Variants in NTM observed in about 807,000 individuals in gnomAD.
NTM encodes IgLON family member 2.
A neutral mutation model predicts 42.1 loss-of-function variants in NTM; 13 were observed. The ratio of observed to expected loss-of-function variants is 0.31; its 90% confidence interval spans 0.20 to 0.49. The LOEUF is 0.49. Ranked by LOEUF, NTM falls within the 20% of genes least tolerant of loss-of-function variation. The pLI, the probability that NTM is intolerant of heterozygous loss-of-function variation, is 0.99. For synonymous variants in NTM, 187 were observed against 179.2 expected (o/e 1.04, Z -0.35); for missense variants, 373 against 452.8 (o/e 0.82, Z 1.60).
intron 2 of NTM, among the ~76,000 whole-genome samples, chr11:132,128,238 GT>G (rs5795754): frequency 0.15 from 22,244 of 149,510 alleles, 1,693 homozygotes; most frequent in Middle Eastern, 0.23. Flanking sequence ...CTGTGAGTGT[GT>G]TTTTTTTTTT....
intron 1 of NTM, among the ~76,000 whole-genome samples, chr11:131,759,152 G>C (rs1227368081): frequency 6.6e-6 from 1 of 152,188 alleles, no homozygotes; most frequent in African/African-American, 2.4e-5. Flanking sequence ...TTATGAGAAG[G>C]TTGACAGCTG....
At chr11:131,729,909 A>G (rs774635442) in intron 1 of NTM, among the ~76,000 whole-genome samples, 6 of 144,892 alleles carry the variant, frequency 4.1e-5, no homozygotes, top group Admixed American at 6.7e-5. Flanking sequence ...GAACATTTAC[A>G]TACAGAGTTT....
intron 3 of NTM, among the ~76,000 whole-genome samples, chr11:132,149,196 G>A (rs1368167458): frequency 7.6e-6 from 1 of 131,326 alleles, no homozygotes; most frequent in African/African-American, 3.0e-5. Context: ...TTGTGTTTCT[G>A]TATTGGAAAG....
At chr11:131,669,588 G>A (rs939339090) in intron 1 of NTM, among the ~76,000 whole-genome samples, 4 of 152,110 alleles carry the variant, frequency 2.6e-5, no homozygotes, top group African/African-American at 9.7e-5. Context: ...GGAGGGCAAC[G>A]TCACTCAGCA....
chr11:131,529,303 C>G (rs372763), intron 1 of NTM, among the ~76,000 whole-genome samples: 27,969 of 152,136 alleles, frequency 0.18, 2,614 homozygotes, highest in Middle Eastern at 0.24. Flanking sequence ...AAGATAGACT[C>G]TTAGATAATT....
chr11:131,738,335 C>T (rs1289064367), intron 1 of NTM, among the ~76,000 whole-genome samples: 1 of 152,210 alleles, frequency 6.6e-6, no homozygotes, highest in Non-Finnish European at 1.5e-5. Flanking sequence ...TACCAGGCTT[C>T]TCTTTTAAGT....
At chr11:131,578,531 T>C (rs1042285031) in intron 1 of NTM, among the ~76,000 whole-genome samples, 12 of 152,146 alleles carry the variant, frequency 7.9e-5, no homozygotes, top group East Asian at 1.9e-4. Context: ...GGGAGCTACA[T>C]ACATAAAATA....
intron 1 of NTM, among the ~76,000 whole-genome samples, chr11:131,547,486 T>C (rs1030061647): frequency 2.6e-5 from 4 of 152,120 alleles, no homozygotes; most frequent in African/African-American, 9.7e-5. Flanking sequence ...GCGCTAACCG[T>C]GGGTGACAGT....
At chr11:131,913,551 C>A (rs1196201638) in intron 2 of NTM, among the ~76,000 whole-genome samples, 4 of 152,146 alleles carry the variant, frequency 2.6e-5, no homozygotes, top group Admixed American at 6.5e-5. Flanking sequence ...TTTTTGAAAT[C>A]GCGTTATCAT....
rs188807530 is a variant in NTM at position 131,861,856 on chromosome 11, A to G, written c.83-49708A>G. On this transcript the variant is annotated intron_variant, in intron 1 of 8. Coordinates refer to ENST00000683400, the MANE Select transcript of NTM (RefSeq NM_001352005.2). ...CAGTGGTCTGAGACTAGTGAACACT[A>G]GGTAGGCCTGTCTCCACTCCACATT... 5.1e-4 allele frequency among the ~76,000 whole-genome samples: 77 copies of G among 152,294 alleles called. 1 individual carries two copies. The highest frequency in any genetic ancestry group is 6.8e-3 in the Middle Eastern group (2 of 294).
chr11:131,505,889 G>T (rs1348521439), intron 1 of NTM, among the ~76,000 whole-genome samples: 1 of 152,076 alleles, frequency 6.6e-6, no homozygotes, highest in Non-Finnish European at 1.5e-5. Flanking sequence ...TCACCTCTCT[G>T]GGCCTCTATT....
At chr11:132,172,122 T>A (rs1398101334) in intron 3 of NTM, among the ~76,000 whole-genome samples, 1 of 152,140 alleles carries the variant, frequency 6.6e-6, no homozygotes, top group Non-Finnish European at 1.5e-5. Flanking sequence ...CCAAAATGAG[T>A]TAAGTGAGTT....
chr11:131,923,205 T>G (rs1273980849), intron 2 of NTM, among the ~76,000 whole-genome samples: 1 of 152,192 alleles, frequency 6.6e-6, no homozygotes, highest in East Asian at 1.9e-4. Flanking sequence ...CTTCTGTTAT[T>G]TATGTATTTC....
At chr11:131,794,110 G>C (rs533373802) in intron 1 of NTM, among the ~76,000 whole-genome samples, 1 of 152,190 alleles carries the variant, frequency 6.6e-6, no homozygotes, top group Admixed American at 6.5e-5. Context: ...CATGCTGCTT[G>C]TCAGAAGGGA....
chr11:132,038,637 G>T (rs974542738), intron 2 of NTM, among the ~76,000 whole-genome samples: 2 of 152,228 alleles, frequency 1.3e-5, no homozygotes, highest in Non-Finnish European at 2.9e-5. Flanking sequence ...CCTTGCTGCT[G>T]TTGCTGCACT....
At chr11:132,134,705 G>GTGTATATATATATC (rs1277579004) in intron 2 of NTM, among the ~76,000 whole-genome samples, 2 of 75,916 alleles carry the variant, frequency 2.6e-5, no homozygotes, top group South Asian at 1.2e-3. Flanking sequence ...GTATTCCATG[G>GTGTATATATATATC]TATATATATA....
chr11:131,494,092 T>C (rs1425185939), intron 1 of NTM, among the ~76,000 whole-genome samples: 1 of 152,232 alleles, frequency 6.6e-6, no homozygotes, highest in Non-Finnish European at 1.5e-5. Flanking sequence ...CCCCTGTCTC[T>C]ACCCTTCAAG....
At chr11:132,019,157 GT>G (rs567114643) in intron 2 of NTM, among the ~76,000 whole-genome samples, 3 of 149,820 alleles carry the variant, frequency 2.0e-5, no homozygotes, top group South Asian at 2.1e-4. Context: ...TAATTTTTTT[GT>G]TTTTTTTCAT....
chr11:131,633,079 C>T (rs117213685), intron 1 of NTM, among the ~76,000 whole-genome samples: 1 of 152,166 alleles, frequency 6.6e-6, no homozygotes. Flanking sequence ...TTTGCCAAAG[C>T]CTGAGGCTCC....
Sources: allele counts gnomAD v4.1 joint callset (sites outside exome capture counted in the v4.1 genomes callset), GRCh38; gene constraint gnomAD v4.1.1; transcripts MANE v1.5; gene names NCBI Gene and HGNC (gene_info 2026-07-23, HGNC 2026-07-21).